Variants in VDR observed in about 807,000 individuals in gnomAD.
VDR encodes the protein vitamin D receptor, also known as vitamin D3 receptor.
A neutral mutation model predicts 39.7 loss-of-function variants in VDR; 19 were observed. That is an observed-to-expected ratio of 0.48 (90% CI 0.33 to 0.70). The LOEUF (loss-of-function observed/expected upper bound fraction) is 0.70. Among genes scored for constraint, VDR ranks in the 30% least tolerant of loss-of-function variants. VDR has a pLI of 0.02. For missense variants in VDR, 442 were observed against 570.5 expected (o/e 0.77, Z 2.29); for synonymous variants, 242 against 215.8 (o/e 1.12, Z -1.07).
intron 4 of VDR, among the ~76,000 whole-genome samples, chr12:47,861,041 C>T (rs1945617060): frequency 6.6e-6 from 1 of 152,222 alleles, no homozygotes; most frequent in South Asian, 2.1e-4. Flanking sequence ...CCCAGAGAGG[C>T]TTTCTACCTT....
At chr12:47,902,580 T>G (rs1233543823) in intron 1 of VDR, among the ~76,000 whole-genome samples, 1 of 152,296 alleles carries the variant, frequency 6.6e-6, no homozygotes, top group South Asian at 2.1e-4. Context: ...AAAACAGAAT[T>G]GCAGCAGGGA....
chr12:47,873,872 T>A (rs1229903988), intron 3 of VDR, among the ~76,000 whole-genome samples: 1 of 152,106 alleles, frequency 6.6e-6, no homozygotes, highest in Non-Finnish European at 1.5e-5. Context: ...GACAAATCCC[T>A]CTAGGGATTC....
At chr12:47,847,798 A>C (rs1945307290) in intron 7 of VDR, among the ~76,000 whole-genome samples, 1 of 152,212 alleles carries the variant, frequency 6.6e-6, no homozygotes, top group Non-Finnish European at 1.5e-5. Flanking sequence ...GCTGGAGTGC[A>C]ACAGAATGAT....
chr12:47,898,086 A>T (rs928757108), intron 1 of VDR, among the ~76,000 whole-genome samples: 2 of 152,124 alleles, frequency 1.3e-5, no homozygotes, highest in Admixed American at 6.5e-5. Flanking sequence ...GTTTGGGAGG[A>T]TGTAGAACCG....
At chr12:47,859,113 C>A (rs1001578030) in intron 4 of VDR, among the ~76,000 whole-genome samples, 7 of 152,176 alleles carry the variant, frequency 4.6e-5, no homozygotes, top group African/African-American at 1.7e-4. Context: ...CAGGGAGCAT[C>A]CAGGGAAGGC....
intron 3 of VDR, among the ~76,000 whole-genome samples, chr12:47,867,165 C>T (rs1565619771): frequency 2.0e-5 from 3 of 152,186 alleles, no homozygotes; most frequent in East Asian, 3.9e-4. Context: ...ACCAGCCTGA[C>T]CAACATAGTG....
At chr12:47,881,885 C>T (rs1946157165) in intron 2 of VDR, among the ~76,000 whole-genome samples, 1 of 152,110 alleles carries the variant, frequency 6.6e-6, no homozygotes, top group African/African-American at 2.4e-5. Context: ...ATGCTTGTGG[C>T]TTAACCCTGG....
At chr12:47,897,904 G>A (rs1433953533) in intron 1 of VDR, among the ~76,000 whole-genome samples, 1 of 152,194 alleles carries the variant, frequency 6.6e-6, no homozygotes, top group Non-Finnish European at 1.5e-5. Flanking sequence ...CACTGCCCCA[G>A]CCCTGTGTGC....
At position 47,844,778 on chromosome 12, in the gene VDR, C is replaced by A. The variant is rs1331198542; in HGVS notation, c.1252G>T (p.Val418Leu). The change falls in exon 10 of 10, where the codon GTG becomes TTG. Residue 418 changes from valine (V) to leucine (L), a missense_variant. Physicochemically the swap from Val to Leu is conservative, Grantham distance 32 (BLOSUM62 1). This residue lies in a region of VDR where 173 missense variants were observed against 252.0 expected (regional missense o/e 0.69). Coordinates refer to ENST00000549336, the MANE Select transcript of VDR (RefSeq NM_000376.3). ...ATCTCATTGCCAAACACTTCGAGCA[C>A]AAGGGGCGTTAGCTTCATGCTGCAC... ...PECSMKLTPL[V>L]LEVFGNEIS is the part of the protein sequence containing the mutation. 2 of 1,614,016 alleles carry A rather than the reference C, an allele frequency of 1.2e-6. No individual in the cohort carries two copies. The highest frequency in any genetic ancestry group is 2.7e-5 in the African/African-American group (2 of 74,926).
intron 7 of VDR, among the ~76,000 whole-genome samples, chr12:47,853,792 C>T (rs551118924): frequency 6.6e-6 from 1 of 151,874 alleles, no homozygotes; most frequent in South Asian, 2.1e-4. Context: ...CATGGTGGCA[C>T]GCTCCTGTAG....
At chr12:47,865,529 A>G (rs1379285925) in intron 3 of VDR, among the ~76,000 whole-genome samples, 4 of 152,054 alleles carry the variant, frequency 2.6e-5, no homozygotes, top group Non-Finnish European at 5.9e-5. Flanking sequence ...CTCCTGCTTC[A>G]GCCTCCAGTA....
chr12:47,897,579 A>C (rs575251105), intron 1 of VDR, among the ~76,000 whole-genome samples: 3 of 152,304 alleles, frequency 2.0e-5, no homozygotes, highest in East Asian at 1.9e-4. Context: ...TGGGTGGTGA[A>C]TATCTGGCTG....
At position 47,883,864 on chromosome 12, in the gene VDR, C is replaced by A. The variant is rs536113271; in HGVS notation, c.-83-1090G>T. On this transcript the variant is annotated intron_variant, in intron 1 of 9. Transcript: ENST00000549336. The stretch of plus-strand genomic sequence containing the variant: ...AGCCGACTGAGGCCACTTGCCACCC[C>A]CTCCAGTACTGCCAGCTCCCAGGGA... Among the ~76,000 whole-genome samples the A allele has an allele frequency of 4.6e-5, 7 of 152,352 alleles. No homozygotes were observed. The East Asian group carries it at 1.2e-3, about 25-fold the overall frequency.
chr12:47,857,700 G>C lies in VDR; in HGVS notation c.278-12C>G. On this transcript the variant is annotated splice_polypyrimidine_tract_variant and intron_variant, in intron 4 of 9. Coordinates refer to ENST00000549336, the MANE Select transcript of VDR (RefSeq NM_000376.3). Reference sequence around the variant, plus strand: ...ATCTGTCAGAATGACTGTGGGGTGGGAAGGGGAGTCAGGAGGGCTGGCCAG... The same window carrying C: ...ATCTGTCAGAATGACTGTGGGGTGGCAAGGGGAGTCAGGAGGGCTGGCCAG... 44 of 1,611,524 alleles carry C rather than the reference G, an allele frequency of 2.7e-5. No individual in the cohort carries two copies. The highest frequency in any genetic ancestry group is 3.7e-5 in the Non-Finnish European group (43 of 1,178,004).
At chr12:47,852,243 C>G (rs188664009) in intron 7 of VDR, among the ~76,000 whole-genome samples, 149 of 152,358 alleles carry the variant, frequency 9.8e-4, no homozygotes, top group African/African-American at 3.6e-3. Flanking sequence ...TGTCCTACTC[C>G]CCACTAGAGC....
At position 47,900,017 on chromosome 12, in the gene VDR, C is replaced by T. The variant is rs923888553; in HGVS notation, c.-84+4938G>A. 7 of 908,880 alleles carry T rather than the reference C, an allele frequency of 7.7e-6. No homozygotes were observed. The African/African-American group carries it at 1.3e-4, about 16-fold the overall frequency. 56.3% of individuals were successfully genotyped at this position (908,880 alleles called of 1,614,324 possible). ...CAAAGTGAGAATAGCTCCCCATTGGCCAATGGGACAATCAGCACATAGTAG... is the reference window on the plus strand; with the variant it reads ...CAAAGTGAGAATAGCTCCCCATTGGTCAATGGGACAATCAGCACATAGTAG... On this transcript the variant is annotated intron_variant, in intron 1 of 9. Coordinates refer to ENST00000549336, the MANE Select transcript of VDR (RefSeq NM_000376.3).
chr12:47,849,701 C>T (rs1211474741), intron 7 of VDR, among the ~76,000 whole-genome samples: 1 of 152,190 alleles, frequency 6.6e-6, no homozygotes, highest in Non-Finnish European at 1.5e-5. Flanking sequence ...TGAACACCAT[C>T]CCCATTTTTG....
chr12:47,868,237 A>T (rs1945777240), intron 3 of VDR, among the ~76,000 whole-genome samples: 1 of 152,224 alleles, frequency 6.6e-6, no homozygotes, highest in South Asian at 2.1e-4. Context: ...GCCAAGAATG[A>T]CCCAACAGTC....
chr12:47,869,770 G>A (rs1162565647), intron 3 of VDR, among the ~76,000 whole-genome samples: 2 of 152,090 alleles, frequency 1.3e-5, no homozygotes, highest in South Asian at 2.1e-4. Flanking sequence ...GGTGGCATGC[G>A]CCTGTGGTCT....
Sources: allele counts gnomAD v4.1 joint callset (sites outside exome capture counted in the v4.1 genomes callset), GRCh38; gene constraint gnomAD v4.1.1; regional missense constraint gnomAD v4.1.1; transcripts MANE v1.5; gene names NCBI Gene and HGNC (gene_info 2026-07-23, HGNC 2026-07-21).